The following TCP11L2 variants were observed in gnomAD, a reference collection of about 807,000 sequenced individuals.
The protein encoded by TCP11L2 is t-complex 11 like 2, also known as T-complex protein 11-like protein 2.
In TCP11L2, 39 loss-of-function variants were observed where a neutral mutation model predicts 50.7. The ratio of observed to expected loss-of-function variants is 0.77; its 90% CI spans 0.60 to 1.01. The LOEUF is 1.01. Among genes scored for constraint, TCP11L2 ranks in the 50% least tolerant of loss-of-function variants. TCP11L2 has a pLI of 0.00. For synonymous variants in TCP11L2, 192 were observed against 219.3 expected (o/e 0.88, Z 1.10); for missense variants, 612 against 614.7 (o/e 1.00, Z 0.05).
At chr12:106,315,536 C>T (rs1332285285) in intron 3 of TCP11L2, among the ~76,000 whole-genome samples, 1 of 152,176 alleles carries the variant, frequency 6.6e-6, no homozygotes, top group Non-Finnish European at 1.5e-5. Context: ...TAGCATAGTG[C>T]CTGACATACA....
intron 6 of TCP11L2, among the ~76,000 whole-genome samples, chr12:106,333,808 T>C (rs1345130763): frequency 6.6e-6 from 1 of 152,206 alleles, no homozygotes; most frequent in Non-Finnish European, 1.5e-5. Flanking sequence ...CTGTTATATC[T>C]GGATGATGGA....
At chr12:106,336,327 G>C in intron 8 of TCP11L2, 114 bp downstream of exon 8, 1 of 965,682 alleles carries the variant, frequency 1.0e-6, no homozygotes, top group East Asian at 2.7e-5. Context: ...GTGCTTTAGA[G>C]AAGCTTATCT....
chr12:106,335,009 C>T (rs749634193), intron 6 of TCP11L2, among the ~76,000 whole-genome samples: 1 of 151,978 alleles, frequency 6.6e-6, no homozygotes, highest in Non-Finnish European at 1.5e-5. Flanking sequence ...TGTTTGTAAC[C>T]TGGGGACTGT....
rs1444590522 is a variant in TCP11L2, at chr12:106,302,952, A to AT, written c.-36+12dup. ...TACGTGCTGGACCCGGTGCGTATCC[A>AT]TCACGGGGGAGGCGTTGCCGGCTCG... On this transcript the variant is annotated intron_variant, in intron 1 of 9. Transcript: ENST00000299045. 1 of 152,262 alleles carries AT rather than the reference A, an allele frequency of 6.6e-6. No homozygotes were observed. Among genetic ancestry groups the AT allele is most frequent in the African/African-American group, 2.4e-5 (1 of 41,428 alleles). The allele number at this position is 152,262 out of a possible 1,614,324, so 9.4% of individuals were successfully genotyped here. A position where few individuals can be genotyped will look rare whatever the true frequency, so the allele number is the denominator to read the frequency against.
At chr12:106,301,402 C>T (rs994103177), upstream of TCP11L2, among the ~76,000 whole-genome samples, 2 of 152,222 alleles carry the variant, frequency 1.3e-5, no homozygotes, top group Non-Finnish European at 2.9e-5. Context: ...CTTTATTTCA[C>T]TTTATCCTCA....
At chr12:106,310,696 T>A (rs1011885022) in intron 1 of TCP11L2, among the ~76,000 whole-genome samples, 14 of 152,132 alleles carry the variant, frequency 9.2e-5, no homozygotes, top group Admixed American at 6.5e-4. Flanking sequence ...CTGACCCAAG[T>A]CCCACACTCC....
chr12:106,331,561 T>C (rs1180966242), intron 6 of TCP11L2, among the ~76,000 whole-genome samples: 1 of 152,212 alleles, frequency 6.6e-6, no homozygotes, highest in East Asian at 1.9e-4. Flanking sequence ...TAGGGGACAT[T>C]TCCTTTGTGC....
At chr12:106,316,723 G>GCTAA (rs970759626) in intron 3 of TCP11L2, among the ~76,000 whole-genome samples, 39 of 151,976 alleles carry the variant, frequency 2.6e-4, no homozygotes, top group Non-Finnish European at 4.7e-4. Flanking sequence ...TTTTGTCCCT[G>GCTAA]CTAACATATA....
At chr12:106,320,912 A>G (rs2035311903) in intron 4 of TCP11L2, among the ~76,000 whole-genome samples, 1 of 152,158 alleles carries the variant, frequency 6.6e-6, no homozygotes, top group South Asian at 2.1e-4. Flanking sequence ...AGTTTAACCT[A>G]CCACCATGGC....
intron 6 of TCP11L2, among the ~76,000 whole-genome samples, chr12:106,328,363 G>A (rs1289081206): frequency 2.0e-5 from 3 of 152,204 alleles, no homozygotes; most frequent in Admixed American, 6.5e-5. Flanking sequence ...GGCCAACATG[G>A]TGAAACCCTG....
intron 6 of TCP11L2, among the ~76,000 whole-genome samples, chr12:106,326,119 T>C (rs1227938534): frequency 1.3e-5 from 2 of 152,132 alleles, no homozygotes; most frequent in Admixed American, 6.5e-5. Flanking sequence ...GACACCAGCC[T>C]CTGGGGTTTA....
At position 106,314,576 on chromosome 12, in the gene TCP11L2, T is replaced by TGTGTGTGTGTGAGA. The variant is rs1469308055; in HGVS notation, c.293+84_293+85insTGTGTGTGTGAGAG. On this transcript the variant is annotated intron_variant, in intron 3 of 9. Transcript: ENST00000299045. ...GTGTGTGTGTGTGTGTGTGTGTGTG[T>TGTGTGTGTGTGAGA]GAGAGAGAGAGAGAGAGAGAGAGAG... is the stretch of plus-strand genomic sequence containing the variant. 33 of 282,750 alleles carry TGTGTGTGTGTGAGA rather than the reference T, an allele frequency of 1.2e-4. No homozygotes were observed. The African/African-American group carries it at 1.3e-3, about 11-fold the overall frequency. 17.5% of individuals were successfully genotyped at this position (282,750 alleles called of 1,614,324 possible).
intron 6 of TCP11L2, 77 bp from the exon 7 acceptor site, chr12:106,335,562 C>A: frequency 1.4e-6 from 2 of 1,466,462 alleles, no homozygotes; most frequent in Non-Finnish European, 1.9e-6. Flanking sequence ...GCACCCAACA[C>A]AGCATCTGTC....
intron 3 of TCP11L2, 73 bp downstream of exon 3, chr12:106,314,566 T>TGC: frequency 6.0e-6 from 6 of 994,154 alleles, no homozygotes; most frequent in Non-Finnish European, 7.3e-6. Context: ...TGTGTGTGTG[T>TGC]GTGTGTGTGT....
upstream of TCP11L2, among the ~76,000 whole-genome samples, chr12:106,302,310 AGCCCCCGCTCC>A (rs2034438070): frequency 1.8e-5 from 1 of 55,724 alleles, no homozygotes; most frequent in Non-Finnish European, 3.7e-5. Flanking sequence ...AGCCCCGCTC[AGCCCCCGCTCC>A]CCCCGCTCAG....
At chr12:106,307,041 C>A (rs1263669145) in intron 1 of TCP11L2, among the ~76,000 whole-genome samples, 2 of 152,240 alleles carry the variant, frequency 1.3e-5, no homozygotes, top group African/African-American at 4.8e-5. Flanking sequence ...AACCAATCTC[C>A]TCTCTATCTG....
intron 6 of TCP11L2, among the ~76,000 whole-genome samples, chr12:106,326,946 C>T (rs2035568870): frequency 6.6e-6 from 1 of 152,142 alleles, no homozygotes; most frequent in Non-Finnish European, 1.5e-5. Context: ...TGAAGTAGAA[C>T]CCTACATCGA....
intron 9 of TCP11L2, 101 bp from the exon 10 acceptor site, chr12:106,346,185 G>C (rs916771560): frequency 8.0e-7 from 1 of 1,253,578 alleles, no homozygotes; most frequent in Non-Finnish European, 1.1e-6. Context: ...AAAGAATTGG[G>C]AACATTATTG....
rs1351186862 is a variant in TCP11L2 at position 106,314,446 on chromosome 12, T to C, written c.246T>C (p.Ala82=). 1 of 1,613,682 alleles carries C rather than the reference T, an allele frequency of 6.2e-7. No individual in the cohort carries two copies. The highest frequency in any genetic ancestry group is 8.5e-7 in the Non-Finnish European group (1 of 1,179,814). Reference sequence around the variant, plus strand: ...ACTTGACTCTTGCTCATGAGATTGCTGTAAATGAGAACTTTCAATTGAAAC... The same window carrying C: ...ACTTGACTCTTGCTCATGAGATTGCCGTAAATGAGAACTTTCAATTGAAAC... ...LSNLTLAHEI[A]VNENFQLKQE... Residue 82 remains alanine, a synonymous_variant, in exon 3 of 10, where the codon GCT becomes GCC. Transcript: ENST00000299045.
Sources: gnomAD v4.1 joint callset for allele counts (sites outside exome capture counted in the v4.1 genomes callset) on GRCh38, gnomAD v4.1.1 for gene constraint, MANE v1.5 for transcripts, NCBI Gene and HGNC (gene_info 2026-07-23, HGNC 2026-07-21) for gene names.